The following GATB variants were observed in gnomAD, a reference collection of about 807,000 sequenced individuals.
The protein encoded by GATB is glutamyl-tRNA amidotransferase subunit B, also known as glutamyl-tRNA(Gln) amidotransferase subunit B, mitochondrial.
Under a neutral mutation model 62.3 loss-of-function variants are expected in GATB, and 39 were observed. That is an observed-to-expected ratio of 0.63 (90% CI 0.48 to 0.82). GATB has a LOEUF of 0.82. Among genes scored for constraint, GATB ranks in the 40% least tolerant of loss-of-function variants. The probability of loss-of-function intolerance (pLI) is 0.00; values close to 1 mark genes in which losing one functional copy is unlikely to be tolerated. For missense variants in GATB, 670 were observed against 684.0 expected (o/e 0.98, Z 0.23); for synonymous variants, 276 against 258.9 (o/e 1.07, Z -0.63).
At chr4:151,689,632 G>T (rs903573432) in intron 9 of GATB, among the ~76,000 whole-genome samples, 2 of 151,994 alleles carry the variant, frequency 1.3e-5, no homozygotes, top group African/African-American at 4.8e-5. Context: ...AGTAACTGCA[G>T]TTTTGCCATC....
At chr4:151,760,463 G>A (rs1005096357) in intron 1 of GATB, among the ~76,000 whole-genome samples, 5 of 152,120 alleles carry the variant, frequency 3.3e-5, no homozygotes, top group Admixed American at 6.6e-5. Context: ...AATAAAATCA[G>A]CTAAATATGA....
At chr4:151,685,744 C>T (rs917010617) in intron 10 of GATB, among the ~76,000 whole-genome samples, 11 of 152,158 alleles carry the variant, frequency 7.2e-5, no homozygotes, top group Non-Finnish European at 1.6e-4. Context: ...AGGCCAAACC[C>T]GGGAGGACAG....
chr4:151,755,789 T>C (rs1393053566), intron 2 of GATB, among the ~76,000 whole-genome samples: 1 of 152,216 alleles, frequency 6.6e-6, no homozygotes, highest in Admixed American at 6.5e-5. Flanking sequence ...TGCTTCTTCT[T>C]ACATATATTT....
intron 9 of GATB, among the ~76,000 whole-genome samples, chr4:151,689,343 G>A (rs1738316391): frequency 6.6e-6 from 1 of 152,194 alleles, no homozygotes; most frequent in African/African-American, 2.4e-5. Context: ...AAGTGAGGGA[G>A]AACATGGGCA....
intron 2 of GATB, among the ~76,000 whole-genome samples, chr4:151,731,248 G>A (rs1739240228): frequency 1.3e-5 from 2 of 152,196 alleles, no homozygotes; most frequent in South Asian, 4.1e-4. Context: ...CCGAGTGCCT[G>A]CCATTGCGGG....
chr4:151,748,819 A>C (rs999759034), intron 2 of GATB, among the ~76,000 whole-genome samples: 2 of 152,220 alleles, frequency 1.3e-5, no homozygotes, highest in East Asian at 3.8e-4. Context: ...TTTACAAGAA[A>C]AAAACAACCC....
At chr4:151,690,796 T>G (rs1483881117) in intron 9 of GATB, among the ~76,000 whole-genome samples, 1 of 152,214 alleles carries the variant, frequency 6.6e-6, no homozygotes, top group Non-Finnish European at 1.5e-5. Context: ...GAGCTGGAAC[T>G]GTACTTCACT....
intron 2 of GATB, among the ~76,000 whole-genome samples, chr4:151,758,077 G>C (rs1035369137): frequency 4.6e-5 from 7 of 152,184 alleles, no homozygotes; most frequent in African/African-American, 1.7e-4. Flanking sequence ...AAGTAAAAAT[G>C]AGTGGTTAAG....
chr4:151,733,368 G>A (rs1310656264), intron 2 of GATB, among the ~76,000 whole-genome samples: 1 of 152,116 alleles, frequency 6.6e-6, no homozygotes, highest in Non-Finnish European at 1.5e-5. Flanking sequence ...AGAAAACCTA[G>A]AAGAGATGAA....
chr4:151,756,702 T>C (rs1025920313), intron 2 of GATB, among the ~76,000 whole-genome samples: 2 of 152,266 alleles, frequency 1.3e-5, no homozygotes, highest in Admixed American at 6.5e-5. Context: ...GTTATTGATA[T>C]GCTTATCAGT....
At chr4:151,703,814 C>T (rs370550938) in intron 8 of GATB, 37 bp downstream of exon 8, 9 of 1,406,566 alleles carry the variant, frequency 6.4e-6, no homozygotes, top group African/African-American at 2.8e-5. Context: ...CCCCAGCCCC[C>T]GATATATAGC....
At chr4:151,747,030 AC>A (rs2126996237) in intron 2 of GATB, among the ~76,000 whole-genome samples, 1 of 152,164 alleles carries the variant, frequency 6.6e-6, no homozygotes, top group East Asian at 1.9e-4. Flanking sequence ...TCACTTTCTA[AC>A]TGTGATAAGG....
In GATB at chr4:151,670,852, C is replaced by T. The variant is rs1737840554; in HGVS notation, c.*322G>A. ...TGAAAAGTTTTCTTAGAATGGGTAA[C>T]AGTATCTCCAACATACATTTTATTT... On this transcript the variant is annotated 3_prime_UTR_variant, in exon 13 of 13. Coordinates refer to ENST00000263985, the MANE Select transcript of GATB (RefSeq NM_004564.3). The T allele has an allele frequency of 4.3e-6, 1 of 231,452 alleles. No homozygotes were observed. Among genetic ancestry groups the T allele is most frequent in the Non-Finnish European group, 8.5e-6 (1 of 118,316 alleles). 14.3% of individuals were successfully genotyped at this position (231,452 alleles called of 1,614,324 possible). A position where few individuals can be genotyped will look rare whatever the true frequency, so the allele number is the denominator to read the frequency against.
At chr4:151,699,112 G>A (rs1020396105) in intron 9 of GATB, among the ~76,000 whole-genome samples, 11 of 152,082 alleles carry the variant, frequency 7.2e-5, no homozygotes, top group Non-Finnish European at 1.6e-4. Flanking sequence ...GAACCAGGCC[G>A]GGTGTGGTGG....
chr4:151,751,394 A>C (rs1332123374), intron 2 of GATB, among the ~76,000 whole-genome samples: 1 of 152,208 alleles, frequency 6.6e-6, no homozygotes, highest in Non-Finnish European at 1.5e-5. Flanking sequence ...ACCTAATTAA[A>C]AAACAAAACA....
intron 7 of GATB, 22 bp from the exon 8 acceptor site, chr4:151,703,917 A>G: frequency 6.3e-7 from 1 of 1,580,094 alleles, no homozygotes; most frequent in Non-Finnish European, 8.7e-7. Context: ...AAATAAGAAA[A>G]CATTAAACAT....
rs1309065492 is a variant in GATB, at chr4:151,717,070, C to A, written c.446G>T (p.Gly149Val). The A allele has an allele frequency of 3.1e-6, 5 of 1,613,894 alleles. No homozygotes were observed. The East Asian group carries it at 1.1e-4, about 36-fold the overall frequency. ...KHYFYADLPAGYQITQQRLPI... is the reference protein window; with the variant it reads ...KHYFYADLPAVYQITQQRLPI... ...GAGCCTCTGCTGGGTAATTTGGTAGCCTGCCTGCACACAAACATAGGGTAA... is the reference window on the plus strand; with the variant it reads ...GAGCCTCTGCTGGGTAATTTGGTAGACTGCCTGCACACAAACATAGGGTAA... The change falls in exon 4 of 13, where the codon GGC becomes GTC. Residue 149 changes from glycine (G) to valine (V), a missense_variant. Transcript: ENST00000263985.
intron 1 of GATB, among the ~76,000 whole-genome samples, chr4:151,759,167 A>G (rs1170993245): frequency 1.3e-5 from 2 of 152,254 alleles, no homozygotes; most frequent in Admixed American, 1.3e-4. Flanking sequence ...GGCTGATGAT[A>G]TAAACATGAA....
rs62327344 is a variant in GATB, at chr4:151,688,674, A to T, written c.1287T>A (p.Thr429=). 6.2e-7 allele frequency: 1 copy of T among 1,612,208 alleles called. No individual in the cohort carries two copies. Among genetic ancestry groups the T allele is most frequent in the Non-Finnish European group, 8.5e-7 (1 of 1,179,486 alleles). Residue 429 remains threonine (T), a synonymous_variant, in exon 10 of 13, where the codon ACT becomes ACA. Coordinates refer to ENST00000263985, the MANE Select transcript of GATB (RefSeq NM_004564.3). ...TCTGTTGCTTTAAATAGCCCAGAAA[A>T]GTGTTGAGGACCCAACTAGTCACCT... is the stretch of plus-strand genomic sequence containing the variant. The part of the protein sequence containing the change: ...PKKVTSWVLN[T]FLGYLKQQNL...
Sources: gnomAD v4.1 joint callset for allele counts (sites outside exome capture counted in the v4.1 genomes callset) on GRCh38, gnomAD v4.1.1 for gene constraint, MANE v1.5 for transcripts, NCBI Gene and HGNC (gene_info 2026-07-23, HGNC 2026-07-21) for gene names.